The following OPHN1 variants were observed in gnomAD, a reference collection of about 807,000 sequenced individuals.
OPHN1 encodes the protein oligophrenin-1.
A neutral mutation model predicts 60.7 loss-of-function variants in OPHN1; 11 were observed. The ratio of observed to expected loss-of-function variants is 0.18; its 90% CI spans 0.11 to 0.30. The LOEUF (loss-of-function observed/expected upper bound fraction) is 0.30. Among genes scored for constraint, OPHN1 ranks in the 10% least tolerant of loss-of-function variants. The pLI is 1.00. For missense variants in OPHN1, 449 were observed against 611.0 expected, an observed-to-expected ratio of 0.73 and a Z score of 2.80; for synonymous variants, 226 against 222.6, an observed-to-expected ratio of 1.02 and a Z score of -0.14.
At chrX:68,249,747 G>A (rs773589449) in intron 5 of OPHN1, among the ~76,000 whole-genome samples, 12 of 111,525 alleles carry the variant, frequency 1.1e-4, no homozygotes, top group Non-Finnish European at 2.3e-4. Context: ...CCAGCATGCG[G>A]AACAGGCAGG....
intron 2 of OPHN1, among the ~76,000 whole-genome samples, chrX:68,350,466 TCCTTCCTC>T (rs1299691525): frequency 1.5e-5 from 1 of 68,624 alleles, no homozygotes; most frequent in African/African-American, 7.3e-5. Flanking sequence ...CTTCCTTCCT[TCCTTCCTC>T]CCTCCCTCCC....
chrX:68,162,716 CA>C (rs1370450422), intron 15 of OPHN1, among the ~76,000 whole-genome samples: 1 of 110,484 alleles, frequency 9.1e-6, no homozygotes, highest in African/African-American at 3.3e-5. Context: ...TTTGAAATTT[CA>C]AAGCTGAAAA....
At chrX:68,129,894 G>C (rs1303240724) in intron 15 of OPHN1, among the ~76,000 whole-genome samples, 1 of 112,099 alleles carries the variant, frequency 8.9e-6, no homozygotes, top group Non-Finnish European at 1.9e-5. Flanking sequence ...AGCCACAAAA[G>C]CAGTAATGAC....
chrX:68,365,304 T>C (rs2147722794), intron 2 of OPHN1, among the ~76,000 whole-genome samples: 1 of 108,415 alleles, frequency 9.2e-6, no homozygotes, highest in Admixed American at 1.0e-4. Flanking sequence ...AAAAAAAAAT[T>C]GGAATTTGAG....
At chrX:68,119,175 G>A (rs2077139813) in intron 16 of OPHN1, 73 bp downstream of exon 16, 2 of 768,933 alleles carry the variant, frequency 2.6e-6, no homozygotes, top group South Asian at 2.1e-5. Flanking sequence ...CTGAGACCAC[G>A]TTAACTCCGC....
At chrX:68,287,278 G>T (rs1051293278) in intron 3 of OPHN1, among the ~76,000 whole-genome samples, 11 of 96,281 alleles carry the variant, frequency 1.1e-4, no homozygotes, top group African/African-American at 3.9e-4. Flanking sequence ...AGAAGAGAAG[G>T]GAAGGGAAGG....
At chrX:68,310,552 C>T (rs1241205349) in intron 2 of OPHN1, among the ~76,000 whole-genome samples, 3 of 110,471 alleles carry the variant, frequency 2.7e-5, no homozygotes, top group Admixed American at 9.8e-5. Context: ...CACTAGGAAA[C>T]CAATATGAGA....
intron 18 of OPHN1, among the ~76,000 whole-genome samples, chrX:68,103,181 G>A (rs753866827): frequency 3.6e-5 from 4 of 111,698 alleles, no homozygotes; most frequent in Non-Finnish European, 7.5e-5. Flanking sequence ...TATCCACCAC[G>A]ATCAAGTTGG....
At chrX:68,112,063 A>ACG (rs1286975153) in intron 17 of OPHN1, 104 bp from the exon 18 acceptor site, 6 of 244,089 alleles carry the variant, frequency 2.5e-5, no homozygotes, top group Non-Finnish European at 5.0e-5. Context: ...GCACACATGC[A>ACG]CACACACACA....
intron 15 of OPHN1, among the ~76,000 whole-genome samples, chrX:68,129,739 T>C (rs2077186433): frequency 8.9e-6 from 1 of 111,765 alleles, no homozygotes; most frequent in Non-Finnish European, 1.9e-5. Flanking sequence ...TGGTAGATAA[T>C]ATAATATTAC....
At chrX:68,287,153 G>GA (rs1339503581) in intron 3 of OPHN1, among the ~76,000 whole-genome samples, 3 of 83,587 alleles carry the variant, frequency 3.6e-5, no homozygotes, top group African/African-American at 8.9e-5. Context: ...AAGGAAGAAA[G>GA]AAGGAAAGAA....
chrX:68,288,955 T>C, intron 3 of OPHN1, among the ~76,000 whole-genome samples: 1 of 111,057 alleles, frequency 9.0e-6, no homozygotes, highest in Admixed American at 9.6e-5. Context: ...TCTGTAGAAT[T>C]AATGGGAAGG....
intron 10 of OPHN1, among the ~76,000 whole-genome samples, chrX:68,203,462 T>C (rs923428744): frequency 7.2e-5 from 8 of 111,025 alleles, no homozygotes; most frequent in Admixed American, 5.8e-4. Context: ...AGGCCAATCT[T>C]TCCTTGCTCC....
At chrX:68,363,338 T>A (rs1057363928) in intron 2 of OPHN1, among the ~76,000 whole-genome samples, 3 of 111,523 alleles carry the variant, frequency 2.7e-5, no homozygotes, top group Non-Finnish European at 5.6e-5. Flanking sequence ...AGACAGAGTT[T>A]CACTCTTGTC....
At chrX:68,112,661 C>T (rs1249813912) in intron 17 of OPHN1, among the ~76,000 whole-genome samples, 8 of 112,445 alleles carry the variant, frequency 7.1e-5, no homozygotes, top group South Asian at 3.7e-4. Context: ...CTTCTTTAAT[C>T]GCCAACTTTT....
chrX:68,401,978 G>C (rs994702247), intron 2 of OPHN1, among the ~76,000 whole-genome samples: 5 of 111,657 alleles, frequency 4.5e-5, no homozygotes, highest in African/African-American at 6.5e-5. Context: ...TTTTCTTGAG[G>C]AAGCCGGCAG....
intron 6 of OPHN1, among the ~76,000 whole-genome samples, chrX:68,232,929 C>CT (rs537093148): frequency 0.18 from 17,241 of 94,077 alleles, 1,609 homozygotes; most frequent in African/African-American, 0.31. Context: ...ACAACTAAGG[C>CT]TTTTTTTTTT....
chrX:68,062,072 T>C (rs2076895275), intron 21 of OPHN1, among the ~76,000 whole-genome samples: 1 of 112,017 alleles, frequency 8.9e-6, no homozygotes, highest in African/African-American at 3.3e-5. Context: ...CTCTAGAAAG[T>C]TTGGAACCAA....
intron 2 of OPHN1, among the ~76,000 whole-genome samples, chrX:68,323,797 G>A (rs6625295): frequency 2.7e-5 from 3 of 111,971 alleles, no homozygotes; most frequent in Admixed American, 9.5e-5. Flanking sequence ...TCATGATTAC[G>A]TATGGTTTAA....
Sources: allele counts gnomAD v4.1 joint callset (sites outside exome capture counted in the v4.1 genomes callset), GRCh38; gene constraint gnomAD v4.1.1; transcripts MANE v1.5; gene names NCBI Gene and HGNC (gene_info 2026-07-23, HGNC 2026-07-21).